Variants in CLN8 observed in about 807,000 individuals in gnomAD.
CLN8 encodes the protein CLN8 transmembrane ER and ERGIC protein.
In CLN8, 14 loss-of-function variants were observed where a neutral mutation model predicts 15.7. That is an observed-to-expected ratio of 0.89 (90% CI 0.59 to 1.39). The LOEUF (loss-of-function observed/expected upper bound fraction) is 1.39, where lower values mean the gene tolerates loss of function less well. CLN8 is among the 40% of genes most tolerant of loss of function. CLN8 has a pLI of 0.00. For synonymous variants in CLN8, 188 were observed against 151.0 expected (o/e 1.25, Z -1.80); for missense variants, 415 against 364.0 (o/e 1.14, Z -1.14).
upstream of CLN8, among the ~76,000 whole-genome samples, chr8:1,761,739 G>A (rs1449202494): frequency 6.6e-6 from 1 of 152,214 alleles, no homozygotes; most frequent in South Asian, 2.1e-4. Flanking sequence ...CTCTTGGCCT[G>A]AGCCGGTTGC....
upstream of CLN8, among the ~76,000 whole-genome samples, chr8:1,755,398 G>A (rs1319425090): frequency 1.3e-5 from 2 of 152,074 alleles, no homozygotes; most frequent in Non-Finnish European, 2.9e-5. Flanking sequence ...CACTGGCATG[G>A]AGCTGTAGTC....
rs781099399 is a variant in CLN8 at position 1,771,542 on chromosome 8, C to T, written c.488C>T (p.Thr163Met). ...GCTGGCCACTATCTAGCTATGACCA[C>T]GTTGCTCCTGGAGATGAGCACGCCC... ...LQAGHYLAMT[T>M]LLLEMSTPFT... Residue 163 changes from threonine to methionine, a missense_variant, in exon 2 of 3, where the codon ACG (threonine) becomes ATG (methionine). Thr to Met is a moderately conservative substitution (Grantham distance 81). Coordinates refer to ENST00000331222, the MANE Select transcript of CLN8 (RefSeq NM_018941.4). 6 of 1,614,020 alleles carry T rather than the reference C, an allele frequency of 3.7e-6. No homozygotes were observed. Among genetic ancestry groups the T allele is most frequent in the African/African-American group, 1.3e-5 (1 of 74,926 alleles).
upstream of CLN8, chr8:1,759,814 C>T (rs1800750443): frequency 6.6e-6 from 1 of 152,232 alleles, no homozygotes; most frequent in African/African-American, 2.4e-5. Context: ...CACAGAACTA[C>T]TATTGCTCAC....
upstream of CLN8, among the ~76,000 whole-genome samples, chr8:1,754,887 A>C (rs1354254836): frequency 6.6e-6 from 1 of 152,216 alleles, no homozygotes; most frequent in Non-Finnish European, 1.5e-5. Context: ...CTGCCTGCCC[A>C]GAAGCAGGCC....
At chr8:1,769,251 C>T (rs749049136) in intron 1 of CLN8, among the ~76,000 whole-genome samples, 41 of 152,226 alleles carry the variant, frequency 2.7e-4, no homozygotes, top group Non-Finnish European at 5.0e-4. Context: ...GGTCCCAGGA[C>T]TCACATTCTT....
At chr8:1,761,576 C>T (rs554336198), upstream of CLN8, among the ~76,000 whole-genome samples, 2 of 152,206 alleles carry the variant, frequency 1.3e-5, no homozygotes, top group Non-Finnish European at 2.9e-5. Flanking sequence ...CCGCCTGCCT[C>T]GGCCTCCCAG....
chr8:1,760,951 G>A (rs1800781282), upstream of CLN8, among the ~76,000 whole-genome samples: 1 of 148,790 alleles, frequency 6.7e-6, no homozygotes, highest in Admixed American at 6.7e-5. Context: ...CTTGGTGGAT[G>A]TAAATAACGT....
intron 1 of CLN8, among the ~76,000 whole-genome samples, chr8:1,756,294 C>T (rs867523759): frequency 1.4e-4 from 21 of 151,964 alleles, no homozygotes; most frequent in African/African-American, 4.4e-4. Flanking sequence ...CCAGCCTGGC[C>T]AACATAGTAA....
intron 2 of CLN8, among the ~76,000 whole-genome samples, chr8:1,778,687 A>G (rs1158405928): frequency 6.6e-6 from 1 of 152,206 alleles, no homozygotes; most frequent in Admixed American, 6.5e-5. Flanking sequence ...GGGTGCCGTG[A>G]TGCACATGCG....
At chr8:1,765,886 T>C (rs1442502125) in intron 1 of CLN8, among the ~76,000 whole-genome samples, 1 of 152,258 alleles carries the variant, frequency 6.6e-6, no homozygotes, top group East Asian at 1.9e-4. Context: ...TGTAAAACAC[T>C]GAACTTGCGT....
intron 2 of CLN8, among the ~76,000 whole-genome samples, chr8:1,776,267 G>A (rs1478420010): frequency 2.6e-5 from 4 of 152,238 alleles, no homozygotes; most frequent in African/African-American, 9.6e-5. Flanking sequence ...ATCTGTGAGG[G>A]GCAGCTGTAT....
At chr8:1,761,678 G>A (rs542301306), upstream of CLN8, among the ~76,000 whole-genome samples, 17 of 152,282 alleles carry the variant, frequency 1.1e-4, no homozygotes, top group African/African-American at 4.1e-4. Flanking sequence ...CAGTAAGCTG[G>A]GAGCACTGAG....
rs1437036809 is a variant in CLN8, at chr8:1,763,796, A to C, written c.-213A>C. ...CGGTGTTTGAGGCCGGCCAGTCGTG[A>C]CTGGGCGGCAATGAGGTCAGTGACT... On this transcript the variant is annotated 5_prime_UTR_variant, in exon 1 of 3. Transcript: ENST00000331222. 6.7e-6 allele frequency: 1 copy of C among 150,074 alleles called. No individual in the cohort carries two copies. The highest frequency in any genetic ancestry group is 6.6e-5 in the Admixed American group (1 of 15,128). The allele number at this position is 150,074 out of a possible 1,614,324, so 9.3% of individuals were successfully genotyped here. A position where few individuals can be genotyped will look rare whatever the true frequency, so the allele number is the denominator to read the frequency against.
In CLN8 at chr8:1,781,051, C is replaced by T. The variant is rs11778824; in HGVS notation, c.*484C>T. ...TAACATGATTTGTTCCTTATTAAAG[C>T]TTCCCAGCGTATGAAATTCTAAGCT... is the stretch of plus-strand genomic sequence containing the variant. On this transcript the variant is annotated 3_prime_UTR_variant, in exon 3 of 3. Coordinates refer to ENST00000331222, the MANE Select transcript of CLN8 (RefSeq NM_018941.4). The T allele has an allele frequency of 0.84, 131,932 of 157,784 alleles. 55,633 individuals are homozygous for T. Among genetic ancestry groups the T allele is most frequent in the African/African-American group, 0.91 (37,880 of 41,536 alleles). 9.8% of individuals were successfully genotyped at this position (157,784 alleles called of 1,614,324 possible). A position where few individuals can be genotyped will look rare whatever the true frequency, so the allele number is the denominator to read the frequency against.
chr8:1,767,565 C>CTTTTTTTTTTTTT (rs1156569423), intron 1 of CLN8, among the ~76,000 whole-genome samples: 1 of 81,310 alleles, frequency 1.2e-5, no homozygotes, highest in Non-Finnish European at 2.1e-5. Flanking sequence ...ATGTTTCTTT[C>CTTTTTTTTTTTTT]TTTTTTTTTT....
intron 1 of CLN8, among the ~76,000 whole-genome samples, 196 bp from the exon 2 acceptor site, chr8:1,770,736 G>A (rs143899926): frequency 1.3e-5 from 2 of 152,268 alleles, no homozygotes; most frequent in East Asian, 1.9e-4. Context: ...TGGCTGGACC[G>A]CTCTAGCTTT....
rs139536385 is a variant in CLN8 at position 1,758,124 on chromosome 8, T to C, written c.-124+2042T>C. 2.2e-4 allele frequency: 34 copies of C among 152,312 alleles called. No homozygotes were observed. In the East Asian group the frequency reaches 2.7e-3, roughly 12 times the overall value. The allele number at this position is 152,312 out of a possible 1,614,324, so 9.4% of individuals were successfully genotyped here. A position where few individuals can be genotyped will look rare whatever the true frequency, so the allele number is the denominator to read the frequency against. ...TGCAAGCCATCGGCACTGTGTTTTGTGGCTCAATATTTTTCAGTTTTTAAG... is the reference window on the plus strand; with the variant it reads ...TGCAAGCCATCGGCACTGTGTTTTGCGGCTCAATATTTTTCAGTTTTTAAG... On this transcript the variant is annotated intron_variant, in intron 1 of 1. Coordinates refer to the CLN8 transcript ENST00000524258.
At chr8:1,770,853 T>G in intron 1 of CLN8, 79 bp from the exon 2 acceptor site, 1 of 610,912 alleles carries the variant, frequency 1.6e-6, no homozygotes, top group Non-Finnish European at 2.9e-6. Flanking sequence ...TATTTTGTAG[T>G]TTAATGTTTG....
chr8:1,775,264 G>A (rs544393596), intron 2 of CLN8, among the ~76,000 whole-genome samples: 10 of 152,120 alleles, frequency 6.6e-5, no homozygotes, highest in Non-Finnish European at 1.3e-4. Context: ...GTGTGCTTAG[G>A]TTATATGCAC....
Sources: allele counts gnomAD v4.1 joint callset (sites outside exome capture counted in the v4.1 genomes callset), GRCh38; gene constraint gnomAD v4.1.1; transcripts MANE v1.5; gene names NCBI Gene and HGNC (gene_info 2026-07-23, HGNC 2026-07-21).